The following NEBL variants were observed in gnomAD, a reference collection of about 807,000 sequenced individuals.
NEBL encodes nebulette, also known as LIM and SH3 protein 2.
A neutral mutation model predicts 140.2 loss-of-function variants in NEBL; 122 were observed. The observed-to-expected ratio is 0.87, with a 90% CI of 0.75 to 1.01. NEBL has a LOEUF of 1.01. Among genes scored for constraint, NEBL ranks in the 50% least tolerant of loss-of-function variants. The pLI, the probability that NEBL is intolerant of heterozygous loss-of-function variation, is 0.00. For missense variants in NEBL, 1,365 were observed against 1,231.3 expected, an observed-to-expected ratio of 1.11 and a Z score of -1.62; for synonymous variants, 436 against 398.9, an observed-to-expected ratio of 1.09 and a Z score of -1.11.
chr10:20,907,489 T>G (rs1262865794), intron 4 of NEBL, among the ~76,000 whole-genome samples: 1 of 152,144 alleles, frequency 6.6e-6, no homozygotes, highest in African/African-American at 2.4e-5. Flanking sequence ...TCTATCTAAA[T>G]AGCAAAAAGT....
chr10:21,261,327 C>T (rs1316198840), intron 1 of NEBL, among the ~76,000 whole-genome samples: 4 of 152,110 alleles, frequency 2.6e-5, no homozygotes, highest in African/African-American at 9.7e-5. Context: ...CGCTGAACCT[C>T]ATGATGGAAG....
At chr10:21,259,055 A>G (rs1842702224) in intron 1 of NEBL, among the ~76,000 whole-genome samples, 1 of 151,456 alleles carries the variant, frequency 6.6e-6, no homozygotes, top group Admixed American at 6.6e-5. Flanking sequence ...TACTTGGGGA[A>G]AAAAAGACGC....
At chr10:20,888,831 T>C (rs1427382719) in intron 3 of NEBL, among the ~76,000 whole-genome samples, 1 of 152,212 alleles carries the variant, frequency 6.6e-6, no homozygotes, top group African/African-American at 2.4e-5. Context: ...TAATCAATAA[T>C]TGAGAACATC....
At chr10:20,840,916 A>T (rs1841358290) in intron 12 of NEBL, 67 bp from the exon 13 acceptor site, 1 of 908,790 alleles carries the variant, frequency 1.1e-6, no homozygotes, top group Admixed American at 2.0e-5. Context: ...GCTATTCTAC[A>T]TGTTTTCTAG....
chr10:20,913,129 C>G (rs1848398890), intron 4 of NEBL, among the ~76,000 whole-genome samples: 1 of 152,020 alleles, frequency 6.6e-6, no homozygotes, highest in Non-Finnish European at 1.5e-5. Flanking sequence ...AATAGAACAT[C>G]CAGGTGGAGG....
At chr10:21,037,440 A>G (rs1834059069) in intron 2 of NEBL, among the ~76,000 whole-genome samples, 1 of 94,692 alleles carries the variant, frequency 1.1e-5, no homozygotes. Flanking sequence ...ACAAATTGCA[A>G]AGAAAAAAAA....
In NEBL at chr10:21,266,938, G is replaced by C. The variant is rs186982535; in HGVS notation, n.183-15110C>G. Among the ~76,000 whole-genome samples, 56 of 151,978 alleles carry C rather than the reference G, an allele frequency of 3.7e-4. 1 individual carries two copies. Among genetic ancestry groups the C allele is most frequent in the African/African-American group, 1.3e-3 (55 of 41,464 alleles). ...ATTACAGGTGTGCACCACCATGACTGGATAATTTTTGTTTTTTTTGTTTAT... is the reference window on the plus strand; with the variant it reads ...ATTACAGGTGTGCACCACCATGACTCGATAATTTTTGTTTTTTTTGTTTAT... On this transcript the variant is annotated intron_variant and non_coding_transcript_variant, in intron 1 of 8. Coordinates refer to the NEBL transcript ENST00000675702.
At chr10:21,259,587 G>A (rs1040416800) in intron 1 of NEBL, among the ~76,000 whole-genome samples, 6 of 152,110 alleles carry the variant, frequency 3.9e-5, no homozygotes, top group East Asian at 1.9e-4. Flanking sequence ...ACCCTTACCC[G>A]TATCCCTCTT....
chr10:21,281,652 A>G (rs992366773), intron 1 of NEBL, among the ~76,000 whole-genome samples: 7 of 152,084 alleles, frequency 4.6e-5, no homozygotes, highest in African/African-American at 1.7e-4. Flanking sequence ...TGTTACCTAC[A>G]TAAACCTACG....
chr10:20,917,469 G>A (rs1370848591), intron 4 of NEBL, among the ~76,000 whole-genome samples: 3 of 152,166 alleles, frequency 2.0e-5, no homozygotes, highest in African/African-American at 7.2e-5. Context: ...GCTGAAAGTT[G>A]AGACTGTTCA....
chr10:21,055,793 A>C (rs1834995541), intron 2 of NEBL, among the ~76,000 whole-genome samples: 1 of 152,214 alleles, frequency 6.6e-6, no homozygotes, highest in Admixed American at 6.5e-5. Context: ...ATTAGCATCA[A>C]GTGTAGCCAC....
chr10:20,909,426 T>A (rs938395662), intron 4 of NEBL, among the ~76,000 whole-genome samples: 5 of 152,100 alleles, frequency 3.3e-5, no homozygotes, highest in Non-Finnish European at 7.4e-5. Flanking sequence ...GCACTCTTAA[T>A]AATTTAGATG....
At chr10:21,069,040 C>T (rs1345319879) in intron 2 of NEBL, among the ~76,000 whole-genome samples, 1 of 152,124 alleles carries the variant, frequency 6.6e-6, no homozygotes, top group Non-Finnish European at 1.5e-5. Context: ...AGGCACATGC[C>T]ACCACACCTG....
chr10:20,964,448 T>C (rs1251717899), intron 3 of NEBL, among the ~76,000 whole-genome samples: 6 of 152,060 alleles, frequency 3.9e-5, no homozygotes, highest in Admixed American at 3.9e-4. Flanking sequence ...CTTCCAATCA[T>C]GATGGAAGGT....
intron 4 of NEBL, among the ~76,000 whole-genome samples, chr10:20,950,056 T>C (rs1258657238): frequency 6.6e-6 from 1 of 152,164 alleles, no homozygotes; most frequent in African/African-American, 2.4e-5. Flanking sequence ...ACACAGCATT[T>C]CCCTCTATCT....
rs115122175 is a variant in NEBL at position 21,110,794 on chromosome 10, G to T, written c.164+61589C>A. On this transcript the variant is annotated intron_variant, in intron 2 of 6. Coordinates refer to the NEBL transcript ENST00000417816. The stretch of plus-strand genomic sequence containing the variant: ...TGAGCACCAATTATCTTTAAGAACA[G>T]TCAGGTTAGGGACTCATGCAAAGGA... 1,650 of 570,256 alleles carry T rather than the reference G, an allele frequency of 2.9e-3. 26 individuals carry two copies. The highest frequency in any genetic ancestry group is 0.025 in the African/African-American group (1,383 of 54,878). The allele number at this position is 570,256 out of a possible 1,614,324, so 35.3% of individuals were successfully genotyped here.
intron 3 of NEBL, among the ~76,000 whole-genome samples, chr10:21,001,976 A>G (rs1302990604): frequency 6.6e-6 from 1 of 152,180 alleles, no homozygotes; most frequent in South Asian, 2.1e-4. Context: ...AAAGAAACAT[A>G]AAGCCAACCC....
chr10:20,812,143 C>A (rs1838210475), intron 24 of NEBL, among the ~76,000 whole-genome samples: 1 of 152,046 alleles, frequency 6.6e-6, no homozygotes, highest in Non-Finnish European at 1.5e-5. Context: ...GATAAAAGGA[C>A]CTAAACGCAA....
chr10:20,991,825 T>C (rs1837470084), intron 3 of NEBL, among the ~76,000 whole-genome samples: 1 of 149,306 alleles, frequency 6.7e-6, no homozygotes, highest in African/African-American at 2.5e-5. Flanking sequence ...TGTCCATATG[T>C]ACTCAGCATT....
Sources: allele counts gnomAD v4.1 joint callset (sites outside exome capture counted in the v4.1 genomes callset), GRCh38; gene constraint gnomAD v4.1.1; transcripts MANE v1.5; gene names NCBI Gene and HGNC (gene_info 2026-07-23, HGNC 2026-07-21).